The following TMTC1 variants were observed in gnomAD, a reference collection of about 807,000 sequenced individuals.
TMTC1 encodes the protein protein O-mannosyl-transferase TMTC1.
TMTC1 carries 73 observed loss-of-function variants against 104.8 expected under a neutral mutation model. That is an observed-to-expected ratio of 0.70 (90% confidence interval 0.58 to 0.85). The LOEUF is 0.85. TMTC1 is among the 40% of genes least tolerant of loss of function. The pLI, the probability that TMTC1 is intolerant of heterozygous loss-of-function variation, is 0.00. For synonymous variants in TMTC1, 434 were observed against 428.7 expected, an observed-to-expected ratio of 1.01 and a Z score of -0.15; for missense variants, 1,035 against 1,096.1, an observed-to-expected ratio of 0.94 and a Z score of 0.79.
At chr12:29,746,103 G>T (rs891614763) in intron 5 of TMTC1, among the ~76,000 whole-genome samples, 1 of 152,120 alleles carries the variant, frequency 6.6e-6, no homozygotes, top group African/African-American at 2.4e-5. Flanking sequence ...TTTCTAACGT[G>T]CATCACTGAG....
chr12:29,744,111 C>T (rs555610674), intron 5 of TMTC1, among the ~76,000 whole-genome samples: 1 of 152,362 alleles, frequency 6.6e-6, no homozygotes, highest in South Asian at 2.1e-4. Flanking sequence ...TCTCTTTCAA[C>T]ATATGTCCCT....
intron 5 of TMTC1, among the ~76,000 whole-genome samples, chr12:29,710,549 A>T (rs1344597209): frequency 6.9e-6 from 1 of 145,688 alleles, no homozygotes; most frequent in South Asian, 2.1e-4. Flanking sequence ...CCTTATATAT[A>T]ATATATATAA....
At chr12:29,515,658 T>TA (rs1943963278) in intron 15 of TMTC1, among the ~76,000 whole-genome samples, 1 of 152,142 alleles carries the variant, frequency 6.6e-6, no homozygotes, top group Non-Finnish European at 1.5e-5. Flanking sequence ...CGCTTCATGA[T>TA]ATTCCTGGGC....
chr12:29,586,644 AG>A (rs1309679692), intron 7 of TMTC1, among the ~76,000 whole-genome samples: 1 of 151,568 alleles, frequency 6.6e-6, no homozygotes, highest in Non-Finnish European at 1.5e-5. Context: ...TTTAGCATGA[AG>A]GGTTGTTGAA....
chr12:29,574,697 T>C (rs1414032692), intron 8 of TMTC1, among the ~76,000 whole-genome samples: 1 of 152,156 alleles, frequency 6.6e-6, no homozygotes, highest in South Asian at 2.1e-4. Context: ...CTCTGGTGCC[T>C]CTTCCTTGTT....
At chr12:29,752,386 G>C (rs1943113429) in intron 4 of TMTC1, among the ~76,000 whole-genome samples, 1 of 152,008 alleles carries the variant, frequency 6.6e-6, no homozygotes, top group Admixed American at 6.6e-5. Context: ...TACTACCAAG[G>C]GATGATCAGA....
At chr12:29,769,534 G>A (rs1943549538) in intron 1 of TMTC1, among the ~76,000 whole-genome samples, 1 of 152,202 alleles carries the variant, frequency 6.6e-6, no homozygotes, top group African/African-American at 2.4e-5. Flanking sequence ...ACACACACGA[G>A]GCAGCAGAGC....
chr12:29,552,032 C>T (rs1945119649), intron 10 of TMTC1, among the ~76,000 whole-genome samples: 1 of 152,090 alleles, frequency 6.6e-6, no homozygotes, highest in African/African-American at 2.4e-5. Flanking sequence ...TCATATAATT[C>T]CAAGAATTCA....
chr12:29,562,414 G>A (rs1319868565), intron 9 of TMTC1, among the ~76,000 whole-genome samples: 1 of 152,184 alleles, frequency 6.6e-6, no homozygotes, highest in Admixed American at 6.5e-5. Context: ...GCTCTTGAGT[G>A]CCCTTAGGAA....
At chr12:29,641,930 T>C (rs953008470) in intron 5 of TMTC1, among the ~76,000 whole-genome samples, 5 of 152,158 alleles carry the variant, frequency 3.3e-5, no homozygotes, top group African/African-American at 1.2e-4. Flanking sequence ...GATACATGTT[T>C]AGAAATGTGA....
At chr12:29,682,355 C>T (rs1940947337) in intron 5 of TMTC1, among the ~76,000 whole-genome samples, 1 of 152,046 alleles carries the variant, frequency 6.6e-6, no homozygotes, top group South Asian at 2.1e-4. Context: ...ATACAGTTAC[C>T]ATAAAGCCCA....
Position 29,572,147 on chromosome 12 carries a change from C to A in TMTC1, c.1490G>T (p.Gly497Val). 1.2e-6 allele frequency: 2 copies of A among 1,613,980 alleles called. No homozygotes were observed. The highest frequency in any genetic ancestry group is 1.1e-5 in the South Asian group (1 of 91,080). ...GTGGTAGATCGCTTCCTTGTTCCGACCTTGGTCCTTCAGGAAATTGGCATA... is the reference window on the plus strand; with the variant it reads ...GTGGTAGATCGCTTCCTTGTTCCGAACTTGGTCCTTCAGGAAATTGGCATA... ...YNYANFLKDQ[G>V]RNKEAIYHYR... is the part of the protein sequence containing the mutation. Residue 497 changes from glycine (G) to valine (V), a missense_variant, in exon 9 of 18, where the codon GGT becomes GTT. Transcript: ENST00000539277.
chr12:29,516,231 C>G (rs1056726503), intron 15 of TMTC1, 118 bp downstream of exon 15: 5 of 1,284,532 alleles, frequency 3.9e-6, no homozygotes, highest in Non-Finnish European at 5.3e-6. Context: ...ATAGGATATG[C>G]TGACGGATAA....
At chr12:29,548,841 TCTA>T (rs1565662694) in intron 10 of TMTC1, among the ~76,000 whole-genome samples, 5 of 5,202 alleles carry the variant, frequency 9.6e-4, no homozygotes, top group East Asian at 4.5e-3. Context: ...ATATCACTTA[TCTA>T]AAATATATAA....
chr12:29,506,965 C>T lies in TMTC1; in HGVS notation c.2530G>A (p.Ala844Thr). 3.1e-6 allele frequency: 5 copies of T among 1,613,924 alleles called. No individual in the cohort carries two copies. The highest frequency in any genetic ancestry group is 4.2e-6 in the Non-Finnish European group (5 of 1,179,818). Residue 844 changes from alanine (A) to threonine (T), a missense_variant, in exon 18 of 18, where the codon GCT becomes ACT. By Grantham distance (58) the Ala-to-Thr change is moderately conservative. Coordinates refer to ENST00000539277, the MANE Select transcript of TMTC1 (RefSeq NM_001193451.2). Reference protein sequence around the residue: ...HIKGKYVSARAYYERALQLVP... With the variant: ...HIKGKYVSARTYYERALQLVP... Reference sequence around the variant, plus strand: ...AGCTGTAAGGCTCTCTCATAATAAGCTCTTGCAGACACATATTTTCCCTGG... The same window carrying T: ...AGCTGTAAGGCTCTCTCATAATAAGTTCTTGCAGACACATATTTTCCCTGG...
At chr12:29,531,427 T>C (rs1944500352) in intron 11 of TMTC1, among the ~76,000 whole-genome samples, 1 of 152,222 alleles carries the variant, frequency 6.6e-6, no homozygotes. Context: ...AAAAATATTT[T>C]ATTTTAAGTG....
At chr12:29,694,776 C>T (rs947936435) in intron 5 of TMTC1, among the ~76,000 whole-genome samples, 8 of 152,020 alleles carry the variant, frequency 5.3e-5, no homozygotes, top group African/African-American at 1.7e-4. Context: ...ACCGTCTCTA[C>T]TAAGAATACA....
intron 5 of TMTC1, among the ~76,000 whole-genome samples, chr12:29,644,796 C>T (rs1342727528): frequency 1.3e-5 from 2 of 152,144 alleles, no homozygotes; most frequent in East Asian, 3.9e-4. Context: ...ACTTGCCTCA[C>T]CCTCAAGTTT....
In TMTC1 at chr12:29,673,414, C is replaced by G. The variant is rs76166615; in HGVS notation, c.939-40078G>C. On this transcript the variant is annotated intron_variant, in intron 5 of 17. Coordinates refer to ENST00000539277, the MANE Select transcript of TMTC1 (RefSeq NM_001193451.2). ...TTTCAATATTGTGAAAATCAGAAAT[C>G]CATAATAATTAAGTCTACATGATTA... Among the ~76,000 whole-genome samples, 555 of 152,152 alleles carry G rather than the reference C, an allele frequency of 3.6e-3. 5 individuals carry two copies. The highest frequency in any genetic ancestry group is 0.013 in the African/African-American group (539 of 41,524).
Sources: gnomAD v4.1 joint callset for allele counts (sites outside exome capture counted in the v4.1 genomes callset) on GRCh38, gnomAD v4.1.1 for gene constraint, MANE v1.5 for transcripts, NCBI Gene and HGNC (gene_info 2026-07-23, HGNC 2026-07-21) for gene names.